Variants in DMRTC1 observed in about 807,000 individuals in gnomAD.
DMRTC1 encodes the protein DMRT like family C1, also known as doublesex- and mab-3-related transcription factor C1.
For synonymous variants in DMRTC1, 7 were observed against 14.1 expected, an observed-to-expected ratio of 0.50 and a Z score of 1.13; for missense variants, 9 against 34.6, an observed-to-expected ratio of 0.26 and a Z score of 1.86.
chrX:72,879,771 TTCTC>T (rs1243051464), intron 1 of DMRTC1, among the ~76,000 whole-genome samples: 27 of 113,641 alleles, frequency 2.4e-4, no homozygotes, highest in Non-Finnish European at 3.7e-4. Flanking sequence ...CTTTCTCCCT[TTCTC>T]TCTCTCTTTC....
rs1413834006 is a variant in DMRTC1, at chrX:72,879,740, T to TTTCC, written c.-94-3953_-94-3952insGGAA. Among the ~76,000 whole-genome samples, 7 of 114,445 alleles carry TTTCC rather than the reference T, an allele frequency of 6.1e-5. No homozygotes were observed. In the Admixed American group the frequency reaches 6.4e-4, roughly 10 times the overall value. ...CTATCTCTTTCTTTCTTTTCCTTTC[T>TTTCC]TTCTTTCTTTCTTACCCTTTCTTTC... is the stretch of plus-strand genomic sequence containing the variant. On this transcript the variant is annotated intron_variant, in intron 1 of 6. Transcript: ENST00000615063.
At chrX:72,913,661 T>C (rs1199336883) in intron 1 of DMRTC1, among the ~76,000 whole-genome samples, 14 of 69,247 alleles carry the variant, frequency 2.0e-4, no homozygotes, top group African/African-American at 7.9e-4. Context: ...CGGAATAACA[T>C]CTCACATGCA....
chrX:72,874,922 G>T lies in DMRTC1; in HGVS notation c.160C>A (p.Pro54Thr), dbSNP rs1556351479. ...GTACAGGGCAGAGACAAAGGTTCTG[G>T]GGCCTGGCCAAGCAGCAGAGCCCCT... is the stretch of plus-strand genomic sequence containing the variant. Reference protein sequence around the residue: ...SQGALLLGQAPEPLSLPCTPV... With the variant: ...SQGALLLGQATEPLSLPCTPV... The change falls in exon 4 of 7, where the codon CCA becomes ACA. Residue 54 changes from proline to threonine, a missense_variant. Pro to Thr is a conservative substitution (Grantham distance 38). Transcript: ENST00000615063. 1.6e-5 allele frequency: 4 copies of T among 255,265 alleles called. No individual in the cohort carries two copies. Among genetic ancestry groups the T allele is most frequent in the Non-Finnish European group, 1.8e-5 (3 of 171,219 alleles). 21.0% of individuals were successfully genotyped at this position (255,265 alleles called of 1,213,427 possible). A position where few individuals can be genotyped will look rare whatever the true frequency, so the allele number is the denominator to read the frequency against.
At chrX:72,916,334 T>C (rs145034251) in intron 1 of DMRTC1, among the ~76,000 whole-genome samples, 5,625 of 108,476 alleles carry the variant, frequency 0.052, 759 homozygotes, top group African/African-American at 0.18. Flanking sequence ...AGCAATGCAG[T>C]CTAAGAGCCA....
intron 1 of DMRTC1, among the ~76,000 whole-genome samples, chrX:72,879,868 CTG>C (rs2054839569): frequency 1.2e-4 from 3 of 25,392 alleles, no homozygotes; most frequent in African/African-American, 2.1e-4. Flanking sequence ...CTTCCTTGGG[CTG>C]CTTTCTTTAT....
intron 1 of DMRTC1, among the ~76,000 whole-genome samples, chrX:72,916,510 C>T (rs1169634999): frequency 2.1e-5 from 2 of 97,486 alleles, no homozygotes; most frequent in Non-Finnish European, 3.9e-5. Context: ...TCCCACCACA[C>T]AGTGCCCAAT....
intron 1 of DMRTC1, among the ~76,000 whole-genome samples, chrX:72,879,696 G>A (rs1177060215): frequency 1.8e-5 from 2 of 112,800 alleles, no homozygotes; most frequent in Admixed American, 1.9e-4. Context: ...AATCATAAAT[G>A]TATATCTTAA....
chrX:72,913,040 G>A (rs2054961984), intron 1 of DMRTC1: 3 of 500,261 alleles, frequency 6.0e-6, no homozygotes, highest in Non-Finnish European at 7.0e-6. Context: ...TCTTCTGCGA[G>A]GGTCTTGGAG....
rs1219064822 is a variant in DMRTC1 at position 72,913,321 on chromosome X, C to A, written c.-95+30254G>T. On this transcript the variant is annotated intron_variant, in intron 1 of 6. Transcript: ENST00000615063. ...ACACAGGCGTGAACGGTGACCGAGC[C>A]CCCTCTGATGCTCCATGCCCCTGCT... 4.4e-4 allele frequency: 279 copies of A among 628,217 alleles called. 3 individuals carry two copies. The highest frequency in any genetic ancestry group is 6.5e-4 in the Non-Finnish European group (254 of 389,958). 51.8% of individuals were successfully genotyped at this position (628,217 alleles called of 1,213,427 possible).
At chrX:72,874,529 A>G (rs1172902100) in intron 4 of DMRTC1, among the ~76,000 whole-genome samples, 5 of 48,341 alleles carry the variant, frequency 1.0e-4, no homozygotes, top group African/African-American at 4.6e-4. Flanking sequence ...CAGTACATCC[A>G]TAGGGAAATG....
intron 1 of DMRTC1, among the ~76,000 whole-genome samples, chrX:72,879,167 T>TGG (rs2054826546): frequency 3.2e-5 from 1 of 30,906 alleles, no homozygotes; most frequent in Non-Finnish European, 4.8e-5. Flanking sequence ...TTTTTTTTTT[T>TGG]TTTGGTTGGT....
At chrX:72,874,378 C>T (rs1169484185) in intron 4 of DMRTC1, among the ~76,000 whole-genome samples, 1 of 21,996 alleles carries the variant, frequency 4.5e-5, no homozygotes, top group Non-Finnish European at 7.5e-5. Context: ...CTCGCCAGCA[C>T]GGACCCCACC....
At chrX:72,887,089 A>T in intron 1 of DMRTC1, among the ~76,000 whole-genome samples, 1 of 47,487 alleles carries the variant, frequency 2.1e-5, no homozygotes, top group African/African-American at 1.1e-4. Context: ...TTACATAAGT[A>T]TACATGTGCC....
intron 4 of DMRTC1, among the ~76,000 whole-genome samples, 195 bp downstream of exon 4, chrX:72,874,630 G>A (rs1391616549): frequency 1.0e-5 from 1 of 99,254 alleles, no homozygotes; most frequent in Non-Finnish European, 2.0e-5. Flanking sequence ...GTTAGTATTA[G>A]ATGCTGCCTT....
intron 1 of DMRTC1, among the ~76,000 whole-genome samples, chrX:72,905,849 T>C (rs1197388577): frequency 2.9e-5 from 3 of 105,070 alleles, no homozygotes; most frequent in Non-Finnish European, 3.9e-5. Context: ...ACAAACTAAC[T>C]CCAAAGTTAG....
chrX:72,905,840 C>T (rs1265921909), intron 1 of DMRTC1, among the ~76,000 whole-genome samples: 1 of 108,690 alleles, frequency 9.2e-6, no homozygotes, highest in African/African-American at 3.5e-5. Context: ...AAAAGAAGAA[C>T]AAACTAACTC....
chrX:72,939,563 AC>A (rs2055049098), intron 1 of DMRTC1, among the ~76,000 whole-genome samples: 1 of 65,255 alleles, frequency 1.5e-5, no homozygotes, highest in African/African-American at 6.1e-5. Context: ...TGTTCCTTTA[AC>A]CTGTTAGAAA....
chrX:72,887,191 C>T (rs1556353496), intron 1 of DMRTC1, among the ~76,000 whole-genome samples: 3 of 32,611 alleles, frequency 9.2e-5, no homozygotes. Flanking sequence ...TCCCCTTGCC[C>T]CCCACCCCCA....
intron 1 of DMRTC1, among the ~76,000 whole-genome samples, chrX:72,913,628 G>A (rs1439455173): frequency 1.1e-5 from 1 of 87,059 alleles, no homozygotes; most frequent in Non-Finnish European, 2.2e-5. Flanking sequence ...CCCTGGCGGG[G>A]CACTTACATG....
Sources: allele counts gnomAD v4.1 joint callset (sites outside exome capture counted in the v4.1 genomes callset), GRCh38; gene constraint gnomAD v4.1.1; transcripts MANE v1.5; gene names NCBI Gene and HGNC (gene_info 2026-07-23, HGNC 2026-07-21).